The following ADK variants were observed in gnomAD, a reference collection of about 807,000 sequenced individuals.
ADK encodes the protein adenosine kinase.
Under a neutral mutation model 44.7 loss-of-function variants are expected in ADK, and 24 were observed. That is an observed-to-expected ratio of 0.54 (90% confidence interval 0.39 to 0.76). ADK has a LOEUF of 0.76. Among genes scored for constraint, ADK ranks in the 30% least tolerant of loss-of-function variants. The pLI, the probability that ADK is intolerant of heterozygous loss-of-function variation, is 0.00. For missense variants in ADK, 321 were observed against 425.1 expected (o/e 0.76, Z 2.15); for synonymous variants, 128 against 142.6 (o/e 0.90, Z 0.73).
intron 3 of ADK, among the ~76,000 whole-genome samples, chr10:74,233,928 A>T (rs547162789): frequency 6.6e-6 from 1 of 152,208 alleles, no homozygotes; most frequent in Admixed American, 6.5e-5. Flanking sequence ...TAGTTCATTG[A>T]TCCTTAACTG....
chr10:74,331,971 A>G (rs1265493916), intron 4 of ADK, among the ~76,000 whole-genome samples: 1 of 152,168 alleles, frequency 6.6e-6, no homozygotes, highest in Admixed American at 6.5e-5. Context: ...CTCCTGCTTC[A>G]GTCTCCTGAG....
At chr10:74,439,724 G>C (rs894449637) in intron 6 of ADK, among the ~76,000 whole-genome samples, 15 of 152,048 alleles carry the variant, frequency 9.9e-5, no homozygotes, top group African/African-American at 3.6e-4. Flanking sequence ...GATAAATCAA[G>C]CAAACATTCT....
intron 1 of ADK, among the ~76,000 whole-genome samples, chr10:74,152,084 C>T (rs1225796743): frequency 6.6e-6 from 1 of 152,158 alleles, no homozygotes; most frequent in African/African-American, 2.4e-5. Context: ...TGGAAATGTT[C>T]GCTGAAAGGC....
At chr10:74,634,323 T>TC (rs1317473049) in intron 9 of ADK, among the ~76,000 whole-genome samples, 1 of 151,938 alleles carries the variant, frequency 6.6e-6, no homozygotes, top group Non-Finnish European at 1.5e-5. Flanking sequence ...CACGCCATTC[T>TC]CCCGCCTCAG....
At chr10:74,673,269 G>A (rs1341208817) in intron 10 of ADK, among the ~76,000 whole-genome samples, 2 of 152,218 alleles carry the variant, frequency 1.3e-5, no homozygotes, top group Admixed American at 6.5e-5. Flanking sequence ...CAGAGATACA[G>A]AAAGCCAGAT....
chr10:74,445,614 T>C (rs117098574), intron 6 of ADK, among the ~76,000 whole-genome samples: 1 of 152,126 alleles, frequency 6.6e-6, no homozygotes, highest in East Asian at 1.9e-4. Context: ...TTACACCTGC[T>C]TGAAGGAAAG....
intron 1 of ADK, among the ~76,000 whole-genome samples, chr10:74,155,236 A>G (rs1481800864): frequency 2.0e-5 from 3 of 152,108 alleles, no homozygotes; most frequent in Non-Finnish European, 4.4e-5. Context: ...ACATTCCAGC[A>G]CTTTGGGAGG....
intron 8 of ADK, among the ~76,000 whole-genome samples, chr10:74,598,929 A>G (rs1852023392): frequency 6.6e-6 from 1 of 152,190 alleles, no homozygotes; most frequent in African/African-American, 2.4e-5. Flanking sequence ...AGTAAAATAT[A>G]TTTGTGCTAA....
chr10:74,263,747 G>A (rs996229620), intron 3 of ADK, among the ~76,000 whole-genome samples: 8 of 152,134 alleles, frequency 5.3e-5, no homozygotes, highest in South Asian at 2.1e-4. Flanking sequence ...ATTGATTTGC[G>A]TGTTCTAAAA....
At chr10:74,308,306 A>G (rs534339553) in intron 3 of ADK, among the ~76,000 whole-genome samples, 5 of 152,352 alleles carry the variant, frequency 3.3e-5, no homozygotes, top group Middle Eastern at 3.4e-3. Flanking sequence ...GAGGTTCAAG[A>G]AGTGTCTTTA....
At chr10:74,328,646 A>C (rs972667614) in intron 4 of ADK, among the ~76,000 whole-genome samples, 1 of 152,156 alleles carries the variant, frequency 6.6e-6, no homozygotes, top group Non-Finnish European at 1.5e-5. Flanking sequence ...TGATGGTTTT[A>C]TAAGTGTTTG....
chr10:74,570,496 G>A (rs1192274788), intron 7 of ADK, among the ~76,000 whole-genome samples: 2 of 151,600 alleles, frequency 1.3e-5, no homozygotes, highest in Non-Finnish European at 2.9e-5. Flanking sequence ...TCCTTGAAGA[G>A]GTCCTTCACA....
chr10:74,545,279 C>G (rs1321481026), intron 7 of ADK, among the ~76,000 whole-genome samples: 1 of 152,166 alleles, frequency 6.6e-6, no homozygotes, highest in African/African-American at 2.4e-5. Context: ...TTCTTTTCCT[C>G]TCAACTTTTT....
At chr10:74,666,854 A>ACTG in intron 9 of ADK, among the ~76,000 whole-genome samples, 1 of 131,112 alleles carries the variant, frequency 7.6e-6, no homozygotes, top group South Asian at 2.3e-4. Flanking sequence ...TTTTTTTGAG[A>ACTG]CTGAGTCTCA....
chr10:74,621,469 A>G (rs1273256684), intron 9 of ADK, among the ~76,000 whole-genome samples: 3 of 152,212 alleles, frequency 2.0e-5, no homozygotes, highest in African/African-American at 4.8e-5. Context: ...TTTGGTTACT[A>G]TAGCTTTGTC....
chr10:74,356,014 T>TTTTTTTTTTTTTTTTTTTG (rs1554847186), intron 4 of ADK, among the ~76,000 whole-genome samples: 22 of 128,212 alleles, frequency 1.7e-4, no homozygotes, highest in Non-Finnish European at 2.1e-4. Context: ...TTTTTTTTTT[T>TTTTTTTTTTTTTTTTTTTG]TTTTTTTTTT....
At chr10:74,434,405 C>T (rs1845112643) in intron 6 of ADK, among the ~76,000 whole-genome samples, 1 of 152,030 alleles carries the variant, frequency 6.6e-6, no homozygotes, top group Non-Finnish European at 1.5e-5. Context: ...GTTTACACCC[C>T]CTTCCAGCAA....
intron 4 of ADK, among the ~76,000 whole-genome samples, chr10:74,364,044 C>T (rs1315220314): frequency 6.6e-6 from 1 of 152,176 alleles, no homozygotes; most frequent in African/African-American, 2.4e-5. Context: ...TTTTCAACTT[C>T]TAGTAAGCAA....
At chr10:74,176,579 C>T (rs1842345944) in intron 1 of ADK, 5 of 1,357,780 alleles carry the variant, frequency 3.7e-6, no homozygotes, top group East Asian at 2.9e-5. Flanking sequence ...GGCCACCGCG[C>T]CCGCTAGTCA....
Sources: allele counts gnomAD v4.1 joint callset (sites outside exome capture counted in the v4.1 genomes callset), GRCh38; gene constraint gnomAD v4.1.1; transcripts MANE v1.5; gene names NCBI Gene and HGNC (gene_info 2026-07-23, HGNC 2026-07-21).